The following RBFOX1 variants were observed in gnomAD, a reference collection of about 807,000 sequenced individuals.
RBFOX1 encodes the protein RNA binding protein fox-1 homolog 1.
A neutral mutation model predicts 57.7 loss-of-function variants in RBFOX1; 8 were observed. That is an observed-to-expected ratio of 0.14 (90% CI 0.08 to 0.25). RBFOX1 has a LOEUF of 0.25. Ranked by LOEUF, RBFOX1 falls within the 10% of genes least tolerant of loss-of-function variation. The pLI is 1.00. For synonymous variants in RBFOX1, 326 were observed against 222.4 expected (o/e 1.47, Z -4.15); for missense variants, 611 against 548.5 (o/e 1.11, Z -1.14).
intron 2 of RBFOX1, among the ~76,000 whole-genome samples, chr16:6,587,063 TC>T: frequency 6.6e-6 from 1 of 152,220 alleles, no homozygotes; most frequent in South Asian, 2.1e-4. Flanking sequence ...TTTAGCAATT[TC>T]CTAGTATACA....
At chr16:6,856,529 AT>A (rs2057935078) in intron 3 of RBFOX1, among the ~76,000 whole-genome samples, 1 of 152,140 alleles carries the variant, frequency 6.6e-6, no homozygotes, top group Non-Finnish European at 1.5e-5. Flanking sequence ...AGAAAGGAAA[AT>A]GCTCCCTCAT....
rs774624927 is a variant in RBFOX1 at position 5,635,081 on chromosome 16, C to G, written c.318+36120C>G. Among the ~76,000 whole-genome samples the G allele has an allele frequency of 4.8e-4, 73 of 152,070 alleles. 1 individual carries two copies. Among genetic ancestry groups the G allele is most frequent in the Non-Finnish European group, 1.6e-4 (11 of 68,018 alleles). On this transcript the variant is annotated intron_variant, in intron 3 of 19. Coordinates refer to the RBFOX1 transcript ENST00000641259. ...ATGGAGGGGAAATATGCTAGCCAGC[C>G]CCAAATGGGAACTAATACAGTGTAT...
intron 1 of RBFOX1, among the ~76,000 whole-genome samples, chr16:5,397,164 T>C (rs1370798062): frequency 6.6e-6 from 1 of 152,246 alleles, no homozygotes; most frequent in Non-Finnish European, 1.5e-5. Flanking sequence ...TCTGGTCATT[T>C]AAAGTCACCC....
chr16:6,882,904 C>G (rs189052460), intron 3 of RBFOX1, among the ~76,000 whole-genome samples: 4 of 152,126 alleles, frequency 2.6e-5, no homozygotes, highest in Admixed American at 2.6e-4. Flanking sequence ...ATTATACTTA[C>G]CAGGAGTTAT....
At chr16:7,236,494 C>T (rs1264470559) in intron 4 of RBFOX1, among the ~76,000 whole-genome samples, 1 of 152,130 alleles carries the variant, frequency 6.6e-6, no homozygotes, top group African/African-American at 2.4e-5. Flanking sequence ...TTCCTAAATG[C>T]ATCCATCCCA....
chr16:7,225,905 A>AATAAATAAATAAATATATATAT (rs66510060), intron 4 of RBFOX1, among the ~76,000 whole-genome samples: 2 of 93,752 alleles, frequency 2.1e-5, no homozygotes, highest in African/African-American at 9.5e-5. Flanking sequence ...AAGTATAATA[A>AATAAATAAATAAATATATATAT]ATATATATAT....
chr16:6,547,649 T>C (rs1203780380), intron 2 of RBFOX1, among the ~76,000 whole-genome samples: 3 of 152,138 alleles, frequency 2.0e-5, no homozygotes, highest in African/African-American at 7.2e-5. Context: ...TCTAGAAATA[T>C]AGTAAATGTG....
At chr16:7,641,009 G>A (rs2062698976) in intron 11 of RBFOX1, among the ~76,000 whole-genome samples, 1 of 152,070 alleles carries the variant, frequency 6.6e-6, no homozygotes, top group African/African-American at 2.4e-5. Context: ...AAAGAGGACA[G>A]TTTGATGCAA....
intron 1 of RBFOX1, among the ~76,000 whole-genome samples, chr16:5,433,266 G>GC (rs1197209392): frequency 2.6e-5 from 4 of 152,156 alleles, no homozygotes; most frequent in African/African-American, 9.7e-5. Context: ...TTGAAAGGAG[G>GC]CCCCTTGACT....
intron 4 of RBFOX1, among the ~76,000 whole-genome samples, chr16:7,244,375 C>T (rs1040860235): frequency 6.6e-6 from 1 of 152,110 alleles, no homozygotes; most frequent in African/African-American, 2.4e-5. Flanking sequence ...AGATGCATCC[C>T]CATGGACCAT....
At chr16:6,248,279 A>G (rs1206016490) in intron 1 of RBFOX1, among the ~76,000 whole-genome samples, 1 of 152,204 alleles carries the variant, frequency 6.6e-6, no homozygotes, top group Admixed American at 6.6e-5. Context: ...AAGGCAGGAT[A>G]GGAAAAAAGA....
At chr16:5,387,587 C>T (rs1294482792) in intron 1 of RBFOX1, among the ~76,000 whole-genome samples, 1 of 152,172 alleles carries the variant, frequency 6.6e-6, no homozygotes, top group African/African-American at 2.4e-5. Flanking sequence ...ATTTATATTG[C>T]ATTGACTGAA....
At chr16:6,870,809 A>G (rs550426542) in intron 3 of RBFOX1, among the ~76,000 whole-genome samples, 8 of 152,326 alleles carry the variant, frequency 5.3e-5, no homozygotes, top group South Asian at 2.1e-4. Context: ...TTATGAGGCA[A>G]TTTCAGATTC....
rs142383482 is a variant in RBFOX1 at position 6,889,194 on chromosome 16, T to C, written c.-15-162863T>C. Among the ~76,000 whole-genome samples the C allele has an allele frequency of 2.5e-3, 381 of 152,350 alleles. 1 individual carries two copies. Among genetic ancestry groups the C allele is most frequent in the African/African-American group, 8.4e-3 (348 of 41,596 alleles). The stretch of plus-strand genomic sequence containing the variant: ...GTTACTGAAAATACTGAGTTCATTG[T>C]GAGCCACCCCTGTCTTTGAGCCTTT... On this transcript the variant is annotated intron_variant, in intron 3 of 15. Coordinates refer to ENST00000550418, the MANE Select transcript of RBFOX1 (RefSeq NM_018723.4).
chr16:6,497,556 G>GTT (rs112257418), intron 2 of RBFOX1, among the ~76,000 whole-genome samples: 6 of 64,682 alleles, frequency 9.3e-5, no homozygotes, highest in Non-Finnish European at 1.4e-4. Context: ...GATTTTTGAA[G>GTT]TTTTTAAAAA....
At chr16:7,480,988 C>G (rs980104111) in intron 4 of RBFOX1, among the ~76,000 whole-genome samples, 1 of 152,178 alleles carries the variant, frequency 6.6e-6, no homozygotes, top group African/African-American at 2.4e-5. Flanking sequence ...GGGCTGCTAC[C>G]TGCCATGCAT....
chr16:7,452,484 A>G (rs1297777148), intron 4 of RBFOX1, among the ~76,000 whole-genome samples: 1 of 152,216 alleles, frequency 6.6e-6, no homozygotes, highest in Non-Finnish European at 1.5e-5. Flanking sequence ...TTCCCATTAC[A>G]GAAAGTACCT....
At chr16:5,976,393 G>A (rs1418888808) in intron 4 of RBFOX1, among the ~76,000 whole-genome samples, 3 of 152,078 alleles carry the variant, frequency 2.0e-5, no homozygotes, top group Non-Finnish European at 4.4e-5. Context: ...AGAGAAGAGC[G>A]GAATAAACGC....
chr16:6,944,881 C>G (rs148763580), intron 3 of RBFOX1, among the ~76,000 whole-genome samples: 1 of 152,088 alleles, frequency 6.6e-6, no homozygotes, highest in African/African-American at 2.4e-5. Context: ...ATGGCTGATT[C>G]GTGGGTAGCT....
Sources: gnomAD v4.1 joint callset for allele counts (sites outside exome capture counted in the v4.1 genomes callset) on GRCh38, gnomAD v4.1.1 for gene constraint, MANE v1.5 for transcripts, NCBI Gene and HGNC (gene_info 2026-07-23, HGNC 2026-07-21) for gene names.